The following RBFOX1 variants were observed in gnomAD, a reference collection of about 807,000 sequenced individuals.
RBFOX1 encodes RNA binding protein fox-1 homolog 1.
Under a neutral mutation model 57.7 loss-of-function variants are expected in RBFOX1, and 8 were observed. The observed-to-expected ratio is 0.14, with a 90% CI of 0.08 to 0.25. RBFOX1 has a LOEUF of 0.25. Among genes scored for constraint, RBFOX1 ranks in the 10% least tolerant of loss-of-function variants. RBFOX1 has a pLI of 1.00. For missense variants in RBFOX1, 611 were observed against 548.5 expected, an observed-to-expected ratio of 1.11 and a Z score of -1.14; for synonymous variants, 326 against 222.4, an observed-to-expected ratio of 1.47 and a Z score of -4.15.
chr16:7,483,721 C>G (rs1177850556), intron 4 of RBFOX1, among the ~76,000 whole-genome samples: 1 of 152,134 alleles, frequency 6.6e-6, no homozygotes, highest in Non-Finnish European at 1.5e-5. Flanking sequence ...TTCAGCTACC[C>G]AAGACAACAG....
chr16:6,779,025 T>A (rs1053949557), intron 3 of RBFOX1, among the ~76,000 whole-genome samples: 1 of 152,050 alleles, frequency 6.6e-6, no homozygotes, highest in African/African-American at 2.4e-5. Flanking sequence ...ATTCCAAAAC[T>A]ACTACTCTAG....
chr16:5,941,974 A>G (rs1051966222), intron 4 of RBFOX1, among the ~76,000 whole-genome samples: 4 of 151,670 alleles, frequency 2.6e-5, no homozygotes, highest in African/African-American at 9.7e-5. Context: ...ATTTTTCTAA[A>G]TCATATCTGA....
In RBFOX1 at chr16:6,781,106, G is replaced by C. The variant is rs145865445; in HGVS notation, c.-16+126456G>C. ...GGAAGCATTTCCACAGTGTTTTCTT[G>C]TAATAGCTTCATTGGTCCAGGTCTT... On this transcript the variant is annotated intron_variant, in intron 3 of 15. Coordinates refer to ENST00000550418, the MANE Select transcript of RBFOX1 (RefSeq NM_018723.4). Among the ~76,000 whole-genome samples the C allele has an allele frequency of 9.5e-3, 1,448 of 152,108 alleles. 29 individuals are homozygous for C. Among genetic ancestry groups the C allele is most frequent in the African/African-American group, 0.033 (1,370 of 41,486 alleles).
rs888292916 is a variant in RBFOX1 at position 6,624,083 on chromosome 16, C to G, written c.-63-30520C>G. On this transcript the variant is annotated intron_variant, in intron 2 of 15. Transcript: ENST00000550418. Reference sequence around the variant, plus strand: ...TAGGTGAAAATTCTATGGTCCATTTCACAACTACGTACCACAGAAAAGGGA... The same window carrying G: ...TAGGTGAAAATTCTATGGTCCATTTGACAACTACGTACCACAGAAAAGGGA... Among the ~76,000 whole-genome samples, 4 of 152,104 alleles carry G rather than the reference C, an allele frequency of 2.6e-5. No individual in the cohort carries two copies. The East Asian group carries it at 7.7e-4, about 29-fold the overall frequency.
At chr16:5,944,988 AGAGAGAG>A (rs1455032207) in intron 4 of RBFOX1, among the ~76,000 whole-genome samples, 8 of 61,444 alleles carry the variant, frequency 1.3e-4, no homozygotes, top group Admixed American at 6.5e-4. Flanking sequence ...AAAAAAAAAA[AGAGAGAG>A]AGAGAGAGAG....
chr16:6,976,531 T>C (rs2086896497), intron 3 of RBFOX1, among the ~76,000 whole-genome samples: 1 of 151,906 alleles, frequency 6.6e-6, no homozygotes, highest in Admixed American at 6.6e-5. Flanking sequence ...GAGTCCACGG[T>C]GCAAACTAAA....
intron 4 of RBFOX1, among the ~76,000 whole-genome samples, chr16:5,893,406 CTA>C (rs1401455895): frequency 6.6e-6 from 1 of 152,208 alleles, no homozygotes; most frequent in Non-Finnish European, 1.5e-5. Flanking sequence ...TTCAAAATAA[CTA>C]AAAGAGTCTA....
intron 1 of RBFOX1, among the ~76,000 whole-genome samples, chr16:6,164,647 T>C: frequency 6.6e-6 from 1 of 150,514 alleles, no homozygotes; most frequent in Non-Finnish European, 1.5e-5. Context: ...TTGTTTTGTT[T>C]TGTTTTTTTT....
At chr16:6,605,414 G>A (rs2097912682) in intron 2 of RBFOX1, among the ~76,000 whole-genome samples, 2 of 152,186 alleles carry the variant, frequency 1.3e-5, no homozygotes, top group African/African-American at 2.4e-5. Flanking sequence ...ATATTATCAA[G>A]CACAGACTGT....
At chr16:6,094,407 T>G (rs2096218420) in intron 1 of RBFOX1, among the ~76,000 whole-genome samples, 1 of 152,186 alleles carries the variant, frequency 6.6e-6, no homozygotes, top group Admixed American at 6.5e-5. Flanking sequence ...AGTTTCTATG[T>G]AAAACCTAAA....
chr16:7,707,736 A>G (rs112248165), intron 14 of RBFOX1, among the ~76,000 whole-genome samples: 262 of 152,218 alleles, frequency 1.7e-3, no homozygotes, highest in African/African-American at 6.1e-3. Flanking sequence ...TAAAAAGCCA[A>G]CCCACTTGCC....
chr16:7,411,418 A>C (rs1450046468), intron 4 of RBFOX1, among the ~76,000 whole-genome samples: 1 of 152,206 alleles, frequency 6.6e-6, no homozygotes. Context: ...CCGGTCTTTC[A>C]GAGAGGAGAC....
chr16:7,701,517 G>C (rs1309457660), intron 14 of RBFOX1, among the ~76,000 whole-genome samples: 1 of 152,010 alleles, frequency 6.6e-6, no homozygotes, highest in East Asian at 1.9e-4. Context: ...TTTTTTTCCT[G>C]AAACTATTCT....
intron 3 of RBFOX1, among the ~76,000 whole-genome samples, chr16:6,850,693 GAAAA>G (rs1245337819): frequency 6.6e-6 from 1 of 151,880 alleles, no homozygotes; most frequent in South Asian, 2.1e-4. Context: ...TAGCTATGCA[GAAAA>G]AAAATCAATT....
chr16:5,649,107 T>TTA (rs1012491242), intron 3 of RBFOX1, among the ~76,000 whole-genome samples: 33 of 151,698 alleles, frequency 2.2e-4, no homozygotes, highest in African/African-American at 4.4e-4. Flanking sequence ...ATAAAAGCGA[T>TTA]TATATATATA....
chr16:6,337,173 C>G (rs996913318), intron 2 of RBFOX1, among the ~76,000 whole-genome samples: 4 of 152,134 alleles, frequency 2.6e-5, no homozygotes, highest in African/African-American at 9.7e-5. Context: ...AAGAAATCCA[C>G]CCACCATGTG....
chr16:7,091,856 G>C (rs993427852), intron 4 of RBFOX1, among the ~76,000 whole-genome samples: 1 of 152,220 alleles, frequency 6.6e-6, no homozygotes, highest in Non-Finnish European at 1.5e-5. Context: ...GTGGATCAGA[G>C]ATTATGCAGA....
intron 2 of RBFOX1, among the ~76,000 whole-genome samples, chr16:6,517,913 G>C (rs1051400318): frequency 6.6e-6 from 1 of 152,198 alleles, no homozygotes; most frequent in African/African-American, 2.4e-5. Flanking sequence ...TGATGATAAT[G>C]AGATGTCGAT....
intron 1 of RBFOX1, among the ~76,000 whole-genome samples, chr16:6,155,264 C>T (rs2096830505): frequency 6.6e-6 from 1 of 152,154 alleles, no homozygotes; most frequent in Admixed American, 6.5e-5. Flanking sequence ...GAGACTGAGA[C>T]ATGGAATGGT....
Sources: gnomAD v4.1 joint callset for allele counts (sites outside exome capture counted in the v4.1 genomes callset) on GRCh38, gnomAD v4.1.1 for gene constraint, MANE v1.5 for transcripts, NCBI Gene and HGNC (gene_info 2026-07-23, HGNC 2026-07-21) for gene names.